Variants in CSMD1 observed in about 807,000 individuals in gnomAD.
CSMD1 encodes CUB and sushi domain-containing protein 1.
A neutral mutation model predicts 417.5 loss-of-function variants in CSMD1; 213 were observed. The observed-to-expected ratio is 0.51, with a 90% CI of 0.46 to 0.57. CSMD1 has a LOEUF of 0.57. CSMD1 is among the 20% of genes least tolerant of loss of function. The pLI is 0.00. For synonymous variants in CSMD1, 2,862 were observed against 1,736.8 expected, an observed-to-expected ratio of 1.65 and a Z score of -16.11; for missense variants, 6,923 against 4,529.7, an observed-to-expected ratio of 1.53 and a Z score of -15.17.
chr8:4,748,270 A>C (rs1013736953), intron 1 of CSMD1, among the ~76,000 whole-genome samples: 1 of 152,266 alleles, frequency 6.6e-6, no homozygotes. Context: ...TTTAGAAAGC[A>C]CACAAGCAAA....
Position 4,373,838 on chromosome 8 carries a change from G to A in CSMD1, c.415+46115C>T, listed in dbSNP as rs190398426. Among the ~76,000 whole-genome samples, 12 of 152,262 alleles carry A rather than the reference G, an allele frequency of 7.9e-5. No homozygotes were observed. The East Asian group carries it at 2.3e-3, about 29-fold the overall frequency. ...CTGGAAGACAGTACTAGCCAAAGGA[G>A]CTTTTCTATGTATATGTATAATTCT... On this transcript the variant is annotated intron_variant, in intron 3 of 69. Coordinates refer to ENST00000635120, the MANE Select transcript of CSMD1 (RefSeq NM_033225.6).
chr8:3,852,802 G>T (rs1049132924), intron 5 of CSMD1, among the ~76,000 whole-genome samples: 9 of 152,114 alleles, frequency 5.9e-5, no homozygotes, highest in Admixed American at 1.3e-4. Context: ...TCCTCCAAGC[G>T]CACGCTTCAA....
chr8:3,267,509 G>A (rs1370310564), intron 26 of CSMD1, among the ~76,000 whole-genome samples: 3 of 152,160 alleles, frequency 2.0e-5, no homozygotes, highest in Admixed American at 6.5e-5. Context: ...GGAGCTCTCC[G>A]GAGTCCAGAG....
chr8:3,601,929 G>A (rs1801379847), intron 8 of CSMD1, among the ~76,000 whole-genome samples: 1 of 152,152 alleles, frequency 6.6e-6, no homozygotes, highest in African/African-American at 2.4e-5. Flanking sequence ...AGCACATTCT[G>A]TCTATAGTGA....
At chr8:3,916,131 TC>T (rs1808811885) in intron 5 of CSMD1, among the ~76,000 whole-genome samples, 1 of 152,094 alleles carries the variant, frequency 6.6e-6, no homozygotes, top group South Asian at 2.1e-4. Context: ...CCAGTAAATT[TC>T]AGTGAAAAAA....
At chr8:4,767,893 C>G (rs1382045838) in intron 1 of CSMD1, among the ~76,000 whole-genome samples, 2 of 152,134 alleles carry the variant, frequency 1.3e-5, no homozygotes, top group African/African-American at 4.8e-5. Context: ...GTAGGCACAT[C>G]TTATTGTAAA....
chr8:4,268,095 C>CA (rs1180196537), intron 3 of CSMD1, among the ~76,000 whole-genome samples: 2 of 152,046 alleles, frequency 1.3e-5, no homozygotes, highest in Admixed American at 6.6e-5. Context: ...AACATTGTTA[C>CA]AAAAAACCTA....
At chr8:4,772,470 C>T (rs969645795) in intron 1 of CSMD1, among the ~76,000 whole-genome samples, 3 of 152,058 alleles carry the variant, frequency 2.0e-5, no homozygotes, top group Admixed American at 6.6e-5. Context: ...GAGCGTCATC[C>T]GGTCATGGAG....
intron 3 of CSMD1, among the ~76,000 whole-genome samples, chr8:4,047,017 G>C (rs1302836638): frequency 6.6e-6 from 1 of 152,178 alleles, no homozygotes; most frequent in Non-Finnish European, 1.5e-5. Context: ...TAGCCCTATA[G>C]GGTTGTGACA....
chr8:4,313,970 C>A (rs572618840), intron 3 of CSMD1, among the ~76,000 whole-genome samples: 1 of 151,698 alleles, frequency 6.6e-6, no homozygotes, highest in African/African-American at 2.4e-5. Context: ...GCCGAGACTG[C>A]GCCCCTGCAC....
chr8:3,899,289 G>A (rs1256501265), intron 5 of CSMD1, among the ~76,000 whole-genome samples: 1 of 152,196 alleles, frequency 6.6e-6, no homozygotes, highest in African/African-American at 2.4e-5. Context: ...CTAAGAAATG[G>A]CACTTTCAAG....
intron 5 of CSMD1, among the ~76,000 whole-genome samples, chr8:3,934,661 C>G (rs752827663): frequency 6.6e-6 from 1 of 152,012 alleles, no homozygotes; most frequent in Admixed American, 6.6e-5. Flanking sequence ...CGAGACCAGC[C>G]TGGCCAACAT....
rs114726563 is a variant in CSMD1 at position 4,870,659 on chromosome 8, A to G, written c.85+123673T>C. ...GCGCACCACGAGTGAGGGAATGGAG[A>G]AACAGAGTACAGAAGTAGGGAGAGC... On this transcript the variant is annotated intron_variant, in intron 1 of 69. Transcript: ENST00000635120. 9.6e-4 allele frequency among the ~76,000 whole-genome samples: 146 copies of G among 152,290 alleles called. 1 individual carries two copies. The highest frequency in any genetic ancestry group is 3.3e-3 in the African/African-American group (137 of 41,510).
At chr8:3,890,377 T>A (rs4875793) in intron 5 of CSMD1, among the ~76,000 whole-genome samples, 6 of 151,762 alleles carry the variant, frequency 4.0e-5, no homozygotes, top group African/African-American at 1.5e-4. Flanking sequence ...GGTATTTTAA[T>A]AGACTGTGGA....
At chr8:4,004,791 C>G (rs1285737324) in intron 4 of CSMD1, among the ~76,000 whole-genome samples, 1 of 152,154 alleles carries the variant, frequency 6.6e-6, no homozygotes, top group African/African-American at 2.4e-5. Flanking sequence ...GTTGCCCAGG[C>G]TGGAGTGCAG....
At chr8:3,277,960 G>A (rs897048996) in intron 26 of CSMD1, among the ~76,000 whole-genome samples, 3 of 152,148 alleles carry the variant, frequency 2.0e-5, no homozygotes, top group Admixed American at 6.6e-5. Flanking sequence ...AAGTAAGCAA[G>A]CGTCATTTCT....
chr8:2,992,422 T>C (rs898639476), intron 54 of CSMD1, among the ~76,000 whole-genome samples: 1 of 151,930 alleles, frequency 6.6e-6, no homozygotes, highest in African/African-American at 2.4e-5. Flanking sequence ...ATTTGCTTTG[T>C]TGTTGTTGCT....
rs67818519 is a variant in CSMD1 at position 3,175,483 on chromosome 8, TCCTGCCTGCCTG to T, written c.5725+5615_5725+5626del. 1.6e-4 allele frequency among the ~76,000 whole-genome samples: 19 copies of T among 121,664 alleles called. 1 individual carries two copies. The highest frequency in any genetic ancestry group is 6.6e-5 in the African/African-American group (2 of 30,522). 79.8% of individuals were successfully genotyped at this position (121,664 alleles called of 152,430 possible). On this transcript the variant is annotated intron_variant, in intron 37 of 69. Coordinates refer to ENST00000635120, the MANE Select transcript of CSMD1 (RefSeq NM_033225.6). ...CTTTCCTTCCTTCTTTTCCCTTCCT[TCCTGCCTGCCTG>T]CCTGCCTGCCTGCCTTTTTTCCTTC...
intron 10 of CSMD1, among the ~76,000 whole-genome samples, chr8:3,562,858 C>G (rs1799528495): frequency 6.6e-6 from 1 of 151,658 alleles, no homozygotes; most frequent in Admixed American, 6.6e-5. Flanking sequence ...ATCTGTACAA[C>G]AAACCCCCAT....
Sources: gnomAD v4.1 joint callset for allele counts (sites outside exome capture counted in the v4.1 genomes callset) on GRCh38, gnomAD v4.1.1 for gene constraint, MANE v1.5 for transcripts, NCBI Gene and HGNC (gene_info 2026-07-23, HGNC 2026-07-21) for gene names.